GALNT18: variants seen among roughly 807,000 people sequenced by gnomAD.
GALNT18 encodes the protein GalNAc-transferase 18.
A neutral mutation model predicts 69.5 loss-of-function variants in GALNT18; 44 were observed. That is an observed-to-expected ratio of 0.63 (90% confidence interval 0.50 to 0.81). The LOEUF (loss-of-function observed/expected upper bound fraction) is 0.81. Among genes scored for constraint, GALNT18 ranks in the 40% least tolerant of loss-of-function variants. The pLI is 0.00. For synonymous variants in GALNT18, 364 were observed against 318.2 expected, an observed-to-expected ratio of 1.14 and a Z score of -1.53; for missense variants, 715 against 810.0, an observed-to-expected ratio of 0.88 and a Z score of 1.42.
intron 1 of GALNT18, among the ~76,000 whole-genome samples, chr11:11,615,297 A>G (rs1860017328): frequency 6.6e-6 from 1 of 152,198 alleles, no homozygotes; most frequent in Non-Finnish European, 1.5e-5. Context: ...TAGCAACCAT[A>G]AATGATTTGT....
chr11:11,416,274 G>A (rs1352134120), intron 3 of GALNT18, among the ~76,000 whole-genome samples: 1 of 152,172 alleles, frequency 6.6e-6, no homozygotes, highest in Non-Finnish European at 1.5e-5. Context: ...ATTTTCTGTT[G>A]TATCACTGAA....
intron 1 of GALNT18, among the ~76,000 whole-genome samples, chr11:11,499,302 C>G (rs536717468): frequency 1.3e-5 from 2 of 152,352 alleles, no homozygotes; most frequent in African/African-American, 4.8e-5. Flanking sequence ...AATGAGCCAT[C>G]AGCGCTGACC....
intron 1 of GALNT18, among the ~76,000 whole-genome samples, chr11:11,547,406 A>T (rs1190871386): frequency 6.6e-6 from 1 of 152,214 alleles, no homozygotes; most frequent in Non-Finnish European, 1.5e-5. Context: ...GCTACAGATA[A>T]TAAGGCCTGT....
intron 10 of GALNT18, among the ~76,000 whole-genome samples, chr11:11,282,363 G>T (rs1327218450): frequency 6.6e-6 from 1 of 152,192 alleles, no homozygotes; most frequent in African/African-American, 2.4e-5. Context: ...TTTACCATTT[G>T]CCTAGTACTA....
chr11:11,489,891 C>G (rs1404871573), intron 1 of GALNT18, among the ~76,000 whole-genome samples: 4 of 152,104 alleles, frequency 2.6e-5, no homozygotes, highest in African/African-American at 9.7e-5. Context: ...GTGGTCAGAG[C>G]TGGGATTTAA....
At chr11:11,287,684 T>TAATCC (rs1849218900) in intron 10 of GALNT18, among the ~76,000 whole-genome samples, 6 of 152,210 alleles carry the variant, frequency 3.9e-5, no homozygotes, top group Admixed American at 2.6e-4. Context: ...AGAAGTTCTT[T>TAATCC]AATCCTGGAG....
chr11:11,509,915 C>T (rs1183415489), intron 1 of GALNT18, among the ~76,000 whole-genome samples: 4 of 152,342 alleles, frequency 2.6e-5, no homozygotes, highest in South Asian at 2.1e-4. Context: ...CCCAGCACCA[C>T]GCAGAAAGAG....
intron 3 of GALNT18, among the ~76,000 whole-genome samples, chr11:11,431,211 T>C (rs142861760): frequency 5.3e-5 from 8 of 152,294 alleles, no homozygotes; most frequent in African/African-American, 1.7e-4. Flanking sequence ...AATGTTTTCA[T>C]CCTTGAATGC....
intron 10 of GALNT18, among the ~76,000 whole-genome samples, chr11:11,284,603 G>A (rs11605831): frequency 0.026 from 3,954 of 152,270 alleles, 60 homozygotes; most frequent in Non-Finnish European, 0.04. Flanking sequence ...TCACAAGGAC[G>A]CTGTGTGTGT....
chr11:11,409,410 T>C (rs909248238), intron 3 of GALNT18, among the ~76,000 whole-genome samples: 38 of 152,130 alleles, frequency 2.5e-4, no homozygotes, highest in African/African-American at 9.2e-4. Flanking sequence ...CTGGTCTGGC[T>C]AAAGGGCAAG....
At position 11,383,574 on chromosome 11, in the gene GALNT18, A is replaced by C. The variant is rs1250696823; in HGVS notation, c.596-4310T>G. Among the ~76,000 whole-genome samples the C allele has an allele frequency of 1.3e-5, 2 of 152,130 alleles. No individual in the cohort carries two copies. The highest frequency in any genetic ancestry group is 4.8e-5 in the African/African-American group (2 of 41,408). ...CAAGGTTCAGATGAGCATTTCCCAC[A>C]TCTTCTCTAGGTTTTGGGGACATAG... On this transcript the variant is annotated intron_variant, in intron 3 of 10. Coordinates refer to ENST00000227756, the MANE Select transcript of GALNT18 (RefSeq NM_198516.3). This position sits in a 1 kb window ranked among gnomAD's most constrained non-coding sequence, Gnocchi z 5.2.
rs1456680113 is a variant in GALNT18 at position 11,555,690 on chromosome 11, G to A, written c.235+65669C>T. On this transcript the variant is annotated intron_variant, in intron 1 of 10. Coordinates refer to ENST00000227756, the MANE Select transcript of GALNT18 (RefSeq NM_198516.3). This position sits in a 1 kb window ranked among gnomAD's most constrained non-coding sequence, Gnocchi z 4.7. ...TCATTTCCTTAACAGCATTACCAGG[G>A]AAGCAAGTAATGGTCAAGCCTTCCT... is the stretch of plus-strand genomic sequence containing the variant. Among the ~76,000 whole-genome samples, 1 of 152,134 alleles carries A rather than the reference G, an allele frequency of 6.6e-6. No homozygotes were observed. Among genetic ancestry groups the A allele is most frequent in the African/African-American group, 2.4e-5 (1 of 41,416 alleles).
At chr11:11,422,020 T>TATCTATATC (rs1349948551) in intron 3 of GALNT18, among the ~76,000 whole-genome samples, 1 of 150,848 alleles carries the variant, frequency 6.6e-6, no homozygotes, top group East Asian at 2.0e-4. Context: ...ATCTGTCAGA[T>TATCTATATC]ATCTATATCA....
intron 10 of GALNT18, among the ~76,000 whole-genome samples, chr11:11,275,006 A>G (rs1484735198): frequency 6.6e-6 from 1 of 152,258 alleles, no homozygotes; most frequent in African/African-American, 2.4e-5. Context: ...CACAATAAAC[A>G]TACATGTGCA....
intron 1 of GALNT18, among the ~76,000 whole-genome samples, chr11:11,556,007 G>C (rs1858324198): frequency 1.3e-5 from 2 of 152,210 alleles, no homozygotes; most frequent in South Asian, 4.1e-4. Context: ...GAAATCAACA[G>C]ACCATCAGTG....
chr11:11,378,082 T>C (rs895723734), intron 4 of GALNT18, among the ~76,000 whole-genome samples: 4 of 152,234 alleles, frequency 2.6e-5, no homozygotes, highest in African/African-American at 9.6e-5. Context: ...TCTCCTATCC[T>C]GGCCATAAAT....
chr11:11,531,815 C>T (rs1857655020), intron 1 of GALNT18, among the ~76,000 whole-genome samples: 1 of 152,190 alleles, frequency 6.6e-6, no homozygotes, highest in Non-Finnish European at 1.5e-5. Flanking sequence ...AACTCTGCCT[C>T]GATCTCTTCA....
intron 1 of GALNT18, among the ~76,000 whole-genome samples, chr11:11,594,880 TAA>T (rs745746409): frequency 0.023 from 3,313 of 144,438 alleles, 139 homozygotes; most frequent in African/African-American, 0.079. Flanking sequence ...TATATATATA[TAA>T]AAAATCTACA....
In GALNT18 at chr11:11,542,247, C is replaced by T. The variant is rs1455700928; in HGVS notation, c.235+79112G>A. Among the ~76,000 whole-genome samples, 3 of 152,200 alleles carry T rather than the reference C, an allele frequency of 2.0e-5. No homozygotes were observed. The highest frequency in any genetic ancestry group is 4.4e-5 in the Non-Finnish European group (3 of 68,038). On this transcript the variant is annotated intron_variant, in intron 1 of 10. Transcript: ENST00000227756. The surrounding 1 kb of genome is among the most constrained non-coding windows in gnomAD (Gnocchi z 4.3). ...AAACTGTGGGAACAGCCTGTCATCT[C>T]ACTCAGAGCTCCCCTCCTTGTAGAT...
Sources: gnomAD v4.1 joint callset for allele counts (sites outside exome capture counted in the v4.1 genomes callset) on GRCh38, gnomAD v4.1.1 for gene constraint, Gnocchi (gnomAD v3.1) non-coding constraint, MANE v1.5 for transcripts, NCBI Gene and HGNC (gene_info 2026-07-23, HGNC 2026-07-21) for gene names.